Variants in SLIT2 observed in about 807,000 individuals in gnomAD.
The protein encoded by SLIT2 is slit homolog 2 protein.
Under a neutral mutation model 185.7 loss-of-function variants are expected in SLIT2, and 41 were observed. That is an observed-to-expected ratio of 0.22 (90% CI 0.17 to 0.29). The LOEUF is 0.29. SLIT2 is among the 10% of genes least tolerant of loss of function. SLIT2 has a pLI of 1.00. For missense variants in SLIT2, 1,571 were observed against 1,909.0 expected, an observed-to-expected ratio of 0.82 and a Z score of 3.30; for synonymous variants, 693 against 680.2, an observed-to-expected ratio of 1.02 and a Z score of -0.29.
At chr4:20,372,460 A>T (rs1474835902) in intron 4 of SLIT2, among the ~76,000 whole-genome samples, 1 of 152,042 alleles carries the variant, frequency 6.6e-6, no homozygotes, top group Non-Finnish European at 1.5e-5. Flanking sequence ...CTGACTTTTT[A>T]TTAAAAAGAA....
intron 4 of SLIT2, among the ~76,000 whole-genome samples, chr4:20,415,139 C>T (rs1033214583): frequency 3.3e-5 from 5 of 152,054 alleles, no homozygotes; most frequent in Admixed American, 6.5e-5. Flanking sequence ...TGGCTGTGCG[C>T]GGTGGCCCGC....
At chr4:20,612,774 C>T (rs1729324426) in intron 34 of SLIT2, among the ~76,000 whole-genome samples, 1 of 151,628 alleles carries the variant, frequency 6.6e-6, no homozygotes, top group Non-Finnish European at 1.5e-5. Flanking sequence ...AAAAATTAGC[C>T]GGGCATGGTG....
chr4:20,405,784 G>T (rs1726728949), intron 4 of SLIT2, among the ~76,000 whole-genome samples: 1 of 151,738 alleles, frequency 6.6e-6, no homozygotes, highest in African/African-American at 2.4e-5. Flanking sequence ...GAGGAATGTG[G>T]TATTTTTAAA....
intron 15 of SLIT2, among the ~76,000 whole-genome samples, chr4:20,527,232 T>C (rs1364017119): frequency 6.6e-6 from 1 of 152,174 alleles, no homozygotes; most frequent in Non-Finnish European, 1.5e-5. Flanking sequence ...GCTACTACCA[T>C]TTTATATGGC....
rs554701090 is a variant in SLIT2, at chr4:20,371,409, A to C, written c.396-96343A>C. 2.6e-5 allele frequency among the ~76,000 whole-genome samples: 4 copies of C among 152,204 alleles called. No individual in the cohort carries two copies. In the South Asian group the frequency reaches 8.3e-4, roughly 32 times the overall value. On this transcript the variant is annotated intron_variant, in intron 4 of 36. Transcript: ENST00000504154. ...GTGTATTATTACAACAAAACAGTAAATCATGTTTCTCCAATAGAAGCAGTA... is the reference window on the plus strand; with the variant it reads ...GTGTATTATTACAACAAAACAGTAACTCATGTTTCTCCAATAGAAGCAGTA...
At chr4:20,261,045 C>T (rs1712414720) in intron 3 of SLIT2, among the ~76,000 whole-genome samples, 1 of 151,834 alleles carries the variant, frequency 6.6e-6, no homozygotes. Context: ...ATCACGTCTG[C>T]ATACCACGAG....
chr4:20,603,802 A>G (rs1728585468), intron 33 of SLIT2, among the ~76,000 whole-genome samples: 1 of 152,196 alleles, frequency 6.6e-6, no homozygotes. Flanking sequence ...CAAAAATACA[A>G]AAGAAACTCA....
chr4:20,360,355 C>G (rs1722643760), intron 4 of SLIT2, among the ~76,000 whole-genome samples: 1 of 152,058 alleles, frequency 6.6e-6, no homozygotes, highest in Non-Finnish European at 1.5e-5. Flanking sequence ...TAGATCTTCC[C>G]CTAGGAACTT....
chr4:20,359,408 C>T (rs954700449), intron 4 of SLIT2, among the ~76,000 whole-genome samples: 5 of 151,918 alleles, frequency 3.3e-5, no homozygotes, highest in Admixed American at 3.3e-4. Flanking sequence ...AGAAGGTATT[C>T]GGATGCCACT....
chr4:20,460,359 A>T (rs1184097918), intron 4 of SLIT2, among the ~76,000 whole-genome samples: 1 of 152,216 alleles, frequency 6.6e-6, no homozygotes, highest in Non-Finnish European at 1.5e-5. Context: ...TTATTTTAAA[A>T]ATTAACATAA....
At chr4:20,447,708 G>C (rs1167630291) in intron 4 of SLIT2, among the ~76,000 whole-genome samples, 1 of 152,162 alleles carries the variant, frequency 6.6e-6, no homozygotes, top group African/African-American at 2.4e-5. Flanking sequence ...GTTTGTCAAG[G>C]CCTGGCTAGG....
In SLIT2 at chr4:20,548,376, C is replaced by T. The variant is rs960614413; in HGVS notation, c.2346-112C>T. 15 of 619,138 alleles carry T rather than the reference C, an allele frequency of 2.4e-5. No individual in the cohort carries two copies. In the South Asian group the frequency reaches 3.0e-4, roughly 12 times the overall value. 38.4% of individuals were successfully genotyped at this position (619,138 alleles called of 1,614,324 possible). On this transcript the variant is annotated intron_variant, in intron 22 of 36. Transcript: ENST00000504154. ...CTGTTTTATTGTTTTCAGATAACAG[C>T]TGAATGCTAACAATACTGCTATGAC...
chr4:20,617,333 C>G, intron 35 of SLIT2, 106 bp from the exon 36 acceptor site: 1 of 1,360,048 alleles, frequency 7.4e-7, no homozygotes, highest in South Asian at 1.3e-5. Context: ...CATTAGCACT[C>G]TGTCCCTCAT....
At chr4:20,281,367 G>A (rs559683129) in intron 4 of SLIT2, among the ~76,000 whole-genome samples, 2 of 152,212 alleles carry the variant, frequency 1.3e-5, no homozygotes, top group Middle Eastern at 3.4e-3. Flanking sequence ...TCATATTTGC[G>A]TTATAATTTT....
At chr4:20,513,058 A>C (rs755496234) in intron 11 of SLIT2, among the ~76,000 whole-genome samples, 1 of 152,122 alleles carries the variant, frequency 6.6e-6, no homozygotes, top group Non-Finnish European at 1.5e-5. Flanking sequence ...GTGTGTTGTC[A>C]CTCCTTTTGC....
At chr4:20,508,922 G>A (rs1719449784) in intron 9 of SLIT2, among the ~76,000 whole-genome samples, 2 of 151,924 alleles carry the variant, frequency 1.3e-5, no homozygotes, top group African/African-American at 4.8e-5. Flanking sequence ...ACCATGAGAA[G>A]GGCTTTGAAA....
chr4:20,577,335 G>T (rs1422196064), intron 29 of SLIT2, among the ~76,000 whole-genome samples: 1 of 152,126 alleles, frequency 6.6e-6, no homozygotes, highest in African/African-American at 2.4e-5. Flanking sequence ...ACCGAAAACT[G>T]ATTTTCCTTC....
intron 26 of SLIT2, among the ~76,000 whole-genome samples, chr4:20,558,980 T>C (rs1257837399): frequency 6.6e-6 from 1 of 151,936 alleles, no homozygotes; most frequent in East Asian, 1.9e-4. Context: ...GTGTAGTTGC[T>C]ACAAGAACTC....
chr4:20,416,963 T>A (rs1397073361), intron 4 of SLIT2, among the ~76,000 whole-genome samples: 1 of 24,810 alleles, frequency 4.0e-5, no homozygotes, highest in Non-Finnish European at 8.3e-5. Flanking sequence ...CTATCAAATC[T>A]TTTTTTTTTT....
Sources: gnomAD v4.1 joint callset for allele counts (sites outside exome capture counted in the v4.1 genomes callset) on GRCh38, gnomAD v4.1.1 for gene constraint, MANE v1.5 for transcripts, NCBI Gene and HGNC (gene_info 2026-07-23, HGNC 2026-07-21) for gene names.